LRTM3: variants seen among roughly 807,000 people sequenced by gnomAD.
LRTM3 encodes the protein leucine-rich repeat transmembrane protein 3.
At chr13:102,734,097 G>C in the LRTM3 span, 4 of 1,551,280 alleles carry the variant, frequency 2.6e-6, no homozygotes, top group Admixed American at 7.9e-5. Flanking sequence ...TTTTTCTCCA[G>C]TTTGTTAATA....
the LRTM3 span, chr13:102,738,746 A>G: frequency 1.3e-6 from 2 of 1,550,706 alleles, no homozygotes; most frequent in East Asian, 2.4e-5. Context: ...TATTGTGCCC[A>G]CTTTAGAGTA....
chr13:102,745,511 G>A, the LRTM3 span: 265 of 1,550,784 alleles, frequency 1.7e-4, no homozygotes, highest in Non-Finnish European at 2.1e-4. Flanking sequence ...TCTACGTTTC[G>A]GACCAGCACC....
chr13:102,733,515 T>C, the LRTM3 span: 1 of 1,551,346 alleles, frequency 6.4e-7, no homozygotes, highest in Non-Finnish European at 8.7e-7. Context: ...ACTGAAGCCT[T>C]AGGACTGATT....
the LRTM3 span, chr13:102,733,991 T>C: frequency 1.9e-6 from 3 of 1,551,294 alleles, no homozygotes; most frequent in Non-Finnish European, 2.6e-6. Flanking sequence ...TTTGTCTGTT[T>C]TGTTCCCTGA....
chr13:102,737,658 C>G, the LRTM3 span: 1 of 1,550,572 alleles, frequency 6.4e-7, no homozygotes, highest in Non-Finnish European at 8.7e-7. Context: ...TCTTTCTCAG[C>G]TGATATTTTT....
the LRTM3 span, chr13:102,730,141 T>C: frequency 1.9e-6 from 3 of 1,550,026 alleles, no homozygotes; most frequent in Non-Finnish European, 2.6e-6. Context: ...GTGTAATAAT[T>C]AAGGTTTCCT....
the LRTM3 span, chr13:102,736,752 C>T: frequency 4.5e-5 from 70 of 1,550,768 alleles, no homozygotes; most frequent in East Asian, 2.7e-4. Flanking sequence ...GCTATGTACT[C>T]GGGATGCATT....
chr13:102,758,617 G>T, the LRTM3 span: 1 of 1,521,992 alleles, frequency 6.6e-7, no homozygotes, highest in Non-Finnish European at 8.8e-7. Context: ...AGTAATCGGA[G>T]TATCAAAATT....
At chr13:102,745,628 G>T in the LRTM3 span, 2 of 1,550,904 alleles carry the variant, frequency 1.3e-6, no homozygotes, top group Non-Finnish European at 1.7e-6. Flanking sequence ...TAAGTTTCTC[G>T]TCGTTTTAGG....
At chr13:102,733,139 G>A in the LRTM3 span, 3 of 1,551,454 alleles carry the variant, frequency 1.9e-6, no homozygotes, top group South Asian at 3.6e-5. Context: ...GGGAAACTTA[G>A]AAAGGATAGT....
chr13:102,744,447 C>T, the LRTM3 span: 2 of 1,550,310 alleles, frequency 1.3e-6, no homozygotes, highest in African/African-American at 2.7e-5. Context: ...TTTGATTTCC[C>T]TGTTTTGGGA....
the LRTM3 span, chr13:102,732,317 A>G: frequency 6.4e-7 from 1 of 1,551,358 alleles, no homozygotes; most frequent in Admixed American, 2.0e-5. Context: ...CTTTAACTTA[A>G]CATCATACTC....
chr13:102,733,833 C>T, the LRTM3 span: 1 of 1,551,404 alleles, frequency 6.4e-7, no homozygotes, highest in Non-Finnish European at 8.7e-7. Flanking sequence ...TGTTGCTCTG[C>T]CTCTGGGCGG....
chr13:102,741,385 T>C, the LRTM3 span: 1 of 1,549,806 alleles, frequency 6.5e-7, no homozygotes. Context: ...GATTCACCTG[T>C]TCTTTCTGCT....
At chr13:102,753,075 C>T in the LRTM3 span, among the ~76,000 whole-genome samples, 7 of 152,036 alleles carry the variant, frequency 4.6e-5, no homozygotes, top group South Asian at 2.1e-4. Flanking sequence ...TCAACCCAAA[C>T]GCCCATCAAT....
At chr13:102,734,206 A>G in the LRTM3 span, 38 of 1,551,230 alleles carry the variant, frequency 2.4e-5, no homozygotes, top group Admixed American at 2.0e-4. Flanking sequence ...TTTTCACTTC[A>G]TGCCTGTTTT....
chr13:102,743,511 T>C, the LRTM3 span: 1 of 1,548,768 alleles, frequency 6.5e-7, no homozygotes, highest in Non-Finnish European at 8.7e-7. Flanking sequence ...TTCTTTTCCT[T>C]CATAGTTAAA....
At chr13:102,733,733 T>A in the LRTM3 span, 1 of 1,551,352 alleles carries the variant, frequency 6.4e-7, no homozygotes, top group South Asian at 1.2e-5. Context: ...ATCCCGTGAG[T>A]TTAAAACTAA....
chr13:102,737,782 G>T, the LRTM3 span: 1 of 1,550,398 alleles, frequency 6.4e-7, no homozygotes. Flanking sequence ...ATGATTTCTG[G>T]TGCCTTGGTT....
Sources: allele counts gnomAD v4.1 joint callset (sites outside exome capture counted in the v4.1 genomes callset), GRCh38; gene constraint gnomAD v4.1.1; transcripts MANE v1.5; gene names NCBI Gene and HGNC (gene_info 2026-07-23, HGNC 2026-07-21).